MAPK14: variants seen among roughly 807,000 people sequenced by gnomAD.
The protein encoded by MAPK14 is mitogen-activated protein kinase 14, also known as CSAID-binding protein.
MAPK14 carries 16 observed loss-of-function variants against 49.6 expected under a neutral mutation model. That is an observed-to-expected ratio of 0.32 (90% confidence interval 0.22 to 0.49). MAPK14 has a LOEUF of 0.49. Ranked by LOEUF, MAPK14 falls within the 20% of genes least tolerant of loss-of-function variation. The pLI, the probability that MAPK14 is intolerant of heterozygous loss-of-function variation, is 0.99. For synonymous variants in MAPK14, 142 were observed against 158.0 expected, an observed-to-expected ratio of 0.90 and a Z score of 0.76; for missense variants, 200 against 441.2, an observed-to-expected ratio of 0.45 and a Z score of 4.90.
intron 3 of MAPK14, among the ~76,000 whole-genome samples, chr6:36,062,819 G>A (rs2127429855): frequency 6.6e-6 from 1 of 151,808 alleles, no homozygotes; most frequent in South Asian, 2.1e-4. Flanking sequence ...CACCATGCCT[G>A]GTTAATTTTT....
chr6:36,081,534 A>T (rs1490618620), intron 8 of MAPK14, among the ~76,000 whole-genome samples: 1 of 152,134 alleles, frequency 6.6e-6, no homozygotes, highest in African/African-American at 2.4e-5. Context: ...GAAATTTGGT[A>T]TATATAATTA....
At chr6:36,096,319 G>A (rs62403692) in intron 9 of MAPK14, 1 of 383,658 alleles carries the variant, frequency 2.6e-6, no homozygotes. Context: ...TTAGACAATA[G>A]TATCCCAGTA....
downstream of MAPK14, among the ~76,000 whole-genome samples, chr6:36,112,142 C>G (rs747760794): frequency 4.1e-4 from 63 of 151,860 alleles, no homozygotes; most frequent in Non-Finnish European, 5.3e-4. Context: ...GGAGGCGGAA[C>G]TTGCAGTGAG....
chr6:36,111,818 C>T (rs750202725), downstream of MAPK14, among the ~76,000 whole-genome samples: 1 of 152,132 alleles, frequency 6.6e-6, no homozygotes, highest in Non-Finnish European at 1.5e-5. Flanking sequence ...CGAAGGCAGA[C>T]CAAGCATAGT....
chr6:36,087,715 A>C (rs1765043565), intron 8 of MAPK14, among the ~76,000 whole-genome samples: 1 of 152,250 alleles, frequency 6.6e-6, no homozygotes, highest in Admixed American at 6.5e-5. Context: ...ATATTGCCCA[A>C]AGTAATTTAT....
At chr6:36,100,081 G>A in intron 9 of MAPK14, 1 of 755,696 alleles carries the variant, frequency 1.3e-6, no homozygotes, top group South Asian at 1.5e-5. Flanking sequence ...ATGGAGGGTA[G>A]GTTTTTTTGT....
intron 1 of MAPK14, among the ~76,000 whole-genome samples, chr6:36,040,805 T>C (rs1307775089): frequency 6.6e-6 from 1 of 152,178 alleles, no homozygotes; most frequent in Non-Finnish European, 1.5e-5. Context: ...GTGTCCTTTC[T>C]CTCCTGTCTT....
At chr6:36,044,148 T>C (rs1763081604) in intron 1 of MAPK14, among the ~76,000 whole-genome samples, 1 of 152,188 alleles carries the variant, frequency 6.6e-6, no homozygotes, top group South Asian at 2.1e-4. Flanking sequence ...AATGTATTAA[T>C]GAGACTTTGC....
intron 9 of MAPK14, among the ~76,000 whole-genome samples, chr6:36,100,571 CGT>C (rs1412476150): frequency 6.6e-6 from 1 of 152,104 alleles, no homozygotes; most frequent in Non-Finnish European, 1.5e-5. Flanking sequence ...GTGCTACTAT[CGT>C]GACCTTTATC....
At chr6:36,032,050 G>A (rs1762565047) in intron 1 of MAPK14, among the ~76,000 whole-genome samples, 1 of 151,954 alleles carries the variant, frequency 6.6e-6, no homozygotes, top group Admixed American at 6.6e-5. Flanking sequence ...CCGAAGTGCT[G>A]GGATTATAGG....
chr6:36,111,448 A>G (rs946404450), downstream of MAPK14, among the ~76,000 whole-genome samples: 2 of 152,162 alleles, frequency 1.3e-5, no homozygotes, highest in African/African-American at 4.8e-5. Context: ...ATTTGAGACT[A>G]TCTATAAGCC....
chr6:36,121,061 A>AC, the MAPK14 span, among the ~76,000 whole-genome samples: 31 of 151,758 alleles, frequency 2.0e-4, no homozygotes, highest in African/African-American at 6.5e-4. Flanking sequence ...AGGATGCCCC[A>AC]CCCCCCCTCC....
At chr6:36,101,834 G>C (rs545037491) in intron 9 of MAPK14, among the ~76,000 whole-genome samples, 108 of 152,272 alleles carry the variant, frequency 7.1e-4, no homozygotes, top group African/African-American at 2.0e-3. Flanking sequence ...TTATAAACTT[G>C]TGTGTGTATG....
intron 1 of MAPK14, among the ~76,000 whole-genome samples, chr6:36,038,697 G>C (rs1401087387): frequency 6.6e-6 from 1 of 152,178 alleles, no homozygotes; most frequent in African/African-American, 2.4e-5. Flanking sequence ...GCCAGAGCCA[G>C]TATTTTTGTT....
chr6:36,053,337 T>C (rs2127418460), intron 2 of MAPK14, among the ~76,000 whole-genome samples: 1 of 151,576 alleles, frequency 6.6e-6, no homozygotes, highest in African/African-American at 2.4e-5. Context: ...ATTTTATATA[T>C]TTGTTAATAA....
the MAPK14 span, among the ~76,000 whole-genome samples, chr6:36,122,000 A>G: frequency 6.6e-6 from 1 of 152,246 alleles, no homozygotes; most frequent in Non-Finnish European, 1.5e-5. Flanking sequence ...TTCCATGTTT[A>G]TTAAATGCAT....
At chr6:36,068,073 G>A (rs1030976153) in intron 3 of MAPK14, among the ~76,000 whole-genome samples, 1 of 152,104 alleles carries the variant, frequency 6.6e-6, no homozygotes, top group Non-Finnish European at 1.5e-5. Context: ...CAAGGGTGGG[G>A]GGAAGATGAA....
At chr6:36,056,738 T>C (rs1251317855) in intron 2 of MAPK14, among the ~76,000 whole-genome samples, 3 of 152,232 alleles carry the variant, frequency 2.0e-5, no homozygotes, top group Non-Finnish European at 4.4e-5. Context: ...TGTAAAACAA[T>C]GTAAATAGTT....
Position 36,028,186 on chromosome 6 carries a change from G to C in MAPK14, c.29G>C (p.Arg10Pro). 5 of 1,613,630 alleles carry C rather than the reference G, an allele frequency of 3.1e-6. No homozygotes were observed. Among genetic ancestry groups the C allele is most frequent in the Non-Finnish European group, 4.2e-6 (5 of 1,179,698 alleles). The change falls in exon 1 of 12, where the codon CGG (arginine) becomes CCG (proline). Residue 10 changes from arginine (R) to proline (P), a missense_variant. Coordinates refer to ENST00000229794, the MANE Select transcript of MAPK14 (RefSeq NM_139012.3). This position sits in a 1 kb window ranked among gnomAD's most constrained non-coding sequence, Gnocchi z 5.1. MSQERPTFY[R>P]QELNKTIWEV... The stretch of plus-strand genomic sequence containing the variant: ...TCTCAGGAGAGGCCCACGTTCTACC[G>C]GCAGGAGCTGAACAAGACAATCTGG...
Sources: gnomAD v4.1 joint callset for allele counts (sites outside exome capture counted in the v4.1 genomes callset) on GRCh38, gnomAD v4.1.1 for gene constraint, Gnocchi (gnomAD v3.1) non-coding constraint, MANE v1.5 for transcripts, NCBI Gene and HGNC (gene_info 2026-07-23, HGNC 2026-07-21) for gene names.